Variants in STX18 observed in about 807,000 individuals in gnomAD.
The protein encoded by STX18 is syntaxin-18.
STX18 carries 40 observed loss-of-function variants against 50.1 expected under a neutral mutation model. The ratio of observed to expected loss-of-function variants is 0.80; its 90% CI spans 0.62 to 1.04. STX18 has a LOEUF of 1.04. Ranked by LOEUF, STX18 falls within the 50% of genes least tolerant of loss-of-function variation. The pLI is 0.00. For synonymous variants in STX18, 158 were observed against 151.8 expected (o/e 1.04, Z -0.30); for missense variants, 410 against 415.8 (o/e 0.99, Z 0.12).
intron 5 of STX18, among the ~76,000 whole-genome samples, chr4:4,445,934 T>C (rs1726379501): frequency 6.6e-6 from 1 of 152,298 alleles, no homozygotes; most frequent in Non-Finnish European, 1.5e-5. Flanking sequence ...CCAAGACTTA[T>C]GATAAAACCA....
At chr4:4,528,005 T>C (rs1274200055) in intron 1 of STX18, among the ~76,000 whole-genome samples, 2 of 151,994 alleles carry the variant, frequency 1.3e-5, no homozygotes, top group Admixed American at 1.3e-4. Flanking sequence ...GCCTTGTCCA[T>C]TGCTGGCTGG....
chr4:4,532,887 T>C (rs549793990), intron 1 of STX18, among the ~76,000 whole-genome samples: 3 of 152,360 alleles, frequency 2.0e-5, no homozygotes, highest in Admixed American at 6.5e-5. Context: ...AGTTTTCTTA[T>C]CATTTGACTA....
intron 1 of STX18, among the ~76,000 whole-genome samples, chr4:4,518,016 G>A (rs913908505): frequency 2.0e-5 from 3 of 152,008 alleles, no homozygotes; most frequent in African/African-American, 4.8e-5. Context: ...CTTGTGATCC[G>A]CCTGCCTTGG....
chr4:4,506,082 T>C lies in STX18; in HGVS notation c.169-34376A>G, dbSNP rs527923118. ...ATTCATCAGTTGATGAATACTCAGA[T>C]TGTTTTCACTACTTGAGTATTATGA... On this transcript the variant is annotated intron_variant, in intron 1 of 10. Coordinates refer to ENST00000306200, the MANE Select transcript of STX18 (RefSeq NM_016930.4). Among the ~76,000 whole-genome samples, 23 of 152,364 alleles carry C rather than the reference T, an allele frequency of 1.5e-4. No individual in the cohort carries two copies. The South Asian group carries it at 4.8e-3, about 32-fold the overall frequency.
intron 1 of STX18, among the ~76,000 whole-genome samples, chr4:4,509,427 G>T (rs1290518858): frequency 1.3e-5 from 2 of 150,774 alleles, no homozygotes; most frequent in Non-Finnish European, 3.0e-5. Context: ...TTGTAAATTT[G>T]TTTAAGTTCC....
Position 4,420,911 on chromosome 4 carries a change from C to G in STX18, c.865G>C (p.Val289Leu). Reference protein sequence around the residue: ...AEIDSIHQLVVGATENIKEGN... With the variant: ...AEIDSIHQLVLGATENIKEGN... ...TCCTTGATATTTTCAGTTGCCCCCACAACTAACTGGTGAATGCTGTCAATC... is the reference window on the plus strand; with the variant it reads ...TCCTTGATATTTTCAGTTGCCCCCAGAACTAACTGGTGAATGCTGTCAATC... Residue 289 changes from valine to leucine, a missense_variant, in exon 10 of 11, where the codon GTG (valine) becomes CTG (leucine). Val to Leu is a conservative substitution (Grantham distance 32). Transcript: ENST00000306200. The surrounding 1 kb of genome is among the most constrained non-coding windows in gnomAD (Gnocchi z 4.3). 2.5e-6 allele frequency: 4 copies of G among 1,614,180 alleles called. No homozygotes were observed. Among genetic ancestry groups the G allele is most frequent in the Non-Finnish European group, 2.5e-6 (3 of 1,180,040 alleles).
At chr4:4,528,573 T>A (rs1335049910) in intron 1 of STX18, among the ~76,000 whole-genome samples, 1 of 152,200 alleles carries the variant, frequency 6.6e-6, no homozygotes, top group Non-Finnish European at 1.5e-5. Flanking sequence ...AAAATTAACC[T>A]CTTTTCGTTA....
Position 4,420,060 on chromosome 4 carries a change from G to A in STX18, c.982C>T (p.Leu328Phe). Residue 328 changes from leucine to phenylalanine, a missense_variant, in exon 11 of 11, where the codon CTC (leucine) becomes TTC (phenylalanine). Physicochemically the swap from Leu to Phe is conservative, Grantham distance 22. Transcript: ENST00000306200. This position sits in a 1 kb window ranked among gnomAD's most constrained non-coding sequence, Gnocchi z 4.3. ...FFLVMCSFSL[L>F]FLDWYDS Reference sequence around the variant, plus strand: ...TAGCTGTCGTACCAGTCGAGGAAGAGCAAGGAGAAGGAGCACATCACGAGG... The same window carrying A: ...TAGCTGTCGTACCAGTCGAGGAAGAACAAGGAGAAGGAGCACATCACGAGG... 6.2e-7 allele frequency: 1 copy of A among 1,613,224 alleles called. No individual in the cohort carries two copies. The highest frequency in any genetic ancestry group is 8.5e-7 in the Non-Finnish European group (1 of 1,179,610).
chr4:4,510,976 G>A (rs1454895538), intron 1 of STX18, among the ~76,000 whole-genome samples: 1 of 151,810 alleles, frequency 6.6e-6, no homozygotes, highest in African/African-American at 2.4e-5. Context: ...ACACAGGGAG[G>A]GGAACAACAC....
intron 9 of STX18, among the ~76,000 whole-genome samples, chr4:4,422,209 A>G (rs967234521): frequency 6.6e-6 from 1 of 152,018 alleles, no homozygotes; most frequent in African/African-American, 2.4e-5. Flanking sequence ...GAGAGAATCA[A>G]TATGAACTAC....
At chr4:4,486,066 G>T (rs1036828543) in intron 1 of STX18, among the ~76,000 whole-genome samples, 2 of 152,210 alleles carry the variant, frequency 1.3e-5, no homozygotes, top group African/African-American at 4.8e-5. Flanking sequence ...TGACTTTGGA[G>T]TCACCGGGTG....
At chr4:4,525,891 T>C (rs978201443) in intron 1 of STX18, among the ~76,000 whole-genome samples, 2 of 152,162 alleles carry the variant, frequency 1.3e-5, no homozygotes, top group Admixed American at 6.5e-5. Flanking sequence ...TAGGCTAGAA[T>C]GTGCCTTTCA....
At chr4:4,535,875 T>C (rs1202419867) in intron 1 of STX18, among the ~76,000 whole-genome samples, 2 of 152,198 alleles carry the variant, frequency 1.3e-5, no homozygotes, top group African/African-American at 2.4e-5. Flanking sequence ...ACTATGATTA[T>C]ACTCAACCCT....
intron 1 of STX18, among the ~76,000 whole-genome samples, chr4:4,517,860 C>T (rs537938924): frequency 2.0e-5 from 3 of 151,828 alleles, no homozygotes; most frequent in Admixed American, 1.3e-4. Context: ...CTGCAACCTC[C>T]ACCTCCTGGG....
At chr4:4,424,956 C>T (rs1472792733) in intron 8 of STX18, among the ~76,000 whole-genome samples, 1 of 152,198 alleles carries the variant, frequency 6.6e-6, no homozygotes, top group East Asian at 1.9e-4. Context: ...GCAGTGGCAG[C>T]AGGCAGGAGG....
chr4:4,464,070 T>G (rs1004816279), intron 2 of STX18, among the ~76,000 whole-genome samples: 1 of 152,196 alleles, frequency 6.6e-6, no homozygotes, highest in African/African-American at 2.4e-5. Context: ...TCTATCTTTG[T>G]GACAGGAATG....
At chr4:4,537,417 C>T (rs576315309) in intron 1 of STX18, among the ~76,000 whole-genome samples, 1 of 152,254 alleles carries the variant, frequency 6.6e-6, no homozygotes, top group South Asian at 2.1e-4. Context: ...ACATAGCATC[C>T]AAGCCACCTA....
In STX18 at chr4:4,420,455, G is replaced by C; in HGVS notation, c.913-326C>G. The C allele has an allele frequency of 2.4e-6, 1 of 415,412 alleles. No homozygotes were observed. The highest frequency in any genetic ancestry group is 4.4e-6 in the Non-Finnish European group (1 of 226,554). The allele number at this position is 415,412 out of a possible 1,614,324, so 25.7% of individuals were successfully genotyped here. On this transcript the variant is annotated intron_variant, in intron 10 of 10. Transcript: ENST00000306200. This position sits in a 1 kb window ranked among gnomAD's most constrained non-coding sequence, Gnocchi z 4.3. ...GTTTCCCAGTAACATGATGTCCGTG[G>C]TGACCCAACCCTGAGGACTGAGCTT... is the stretch of plus-strand genomic sequence containing the variant.
chr4:4,510,271 A>G (rs993000474), intron 1 of STX18, among the ~76,000 whole-genome samples: 3 of 152,216 alleles, frequency 2.0e-5, no homozygotes, highest in African/African-American at 7.2e-5. Context: ...GAAGAGAAAC[A>G]CAGATCATCC....
Sources: allele counts gnomAD v4.1 joint callset (sites outside exome capture counted in the v4.1 genomes callset), GRCh38; gene constraint gnomAD v4.1.1; non-coding constraint Gnocchi (gnomAD v3.1); transcripts MANE v1.5; gene names NCBI Gene and HGNC (gene_info 2026-07-23, HGNC 2026-07-21).